GOLGA3: variants seen among roughly 807,000 people sequenced by gnomAD.
GOLGA3 encodes the protein golgin A3, also known as golgin subfamily A member 3.
GOLGA3 carries 75 observed loss-of-function variants against 169.4 expected under a neutral mutation model. That is an observed-to-expected ratio of 0.44 (90% confidence interval 0.37 to 0.54). The LOEUF (loss-of-function observed/expected upper bound fraction) is 0.54. Among genes scored for constraint, GOLGA3 ranks in the 20% least tolerant of loss-of-function variants. The pLI is 0.00. For synonymous variants in GOLGA3, 824 were observed against 822.4 expected (o/e 1.00, Z -0.03); for missense variants, 1,899 against 1,930.0 (o/e 0.98, Z 0.30).
rs368871755 is a variant in GOLGA3 at position 132,786,444 on chromosome 12, G to A, written c.3018C>T (p.Leu1006=). 4.0e-5 allele frequency: 65 copies of A among 1,613,582 alleles called. No homozygotes were observed. The highest frequency in any genetic ancestry group is 5.4e-5 in the Non-Finnish European group (64 of 1,179,838). ...CGAGGGCCTCCTGCAGGCGGCGGCT[G>A]AGGATGCCCACGGCGTTCTCGTAGG... ...HKAYENAVGI[L]SRRLQEALAA... Residue 1006 remains leucine, a synonymous_variant, in exon 15 of 24, where the codon CTC becomes CTT. Coordinates refer to ENST00000450791, the MANE Select transcript of GOLGA3 (RefSeq NM_001389683.1).
intron 13 of GOLGA3, among the ~76,000 whole-genome samples, chr12:132,788,222 C>T (rs1003690980): frequency 6.6e-6 from 1 of 152,230 alleles, no homozygotes; most frequent in African/African-American, 2.4e-5. Flanking sequence ...TCACAGGCCT[C>T]AGCCTGGCTC....
rs369321813 is a variant in GOLGA3, at chr12:132,775,132, C to A, written c.4143+9G>T. 6.2e-6 allele frequency: 10 copies of A among 1,611,342 alleles called. No individual in the cohort carries two copies. Among genetic ancestry groups the A allele is most frequent in the Admixed American group, 5.0e-5 (3 of 59,816 alleles). On this transcript the variant is annotated intron_variant, in intron 22 of 23. Transcript: ENST00000450791. ...TCGGCTACCCCGGGAGGGACGCGGG[C>A]CTGAGTACCGTCTTGGCCGCGCCGC...
intron 18 of GOLGA3, among the ~76,000 whole-genome samples, chr12:132,778,396 C>T (rs1331173762): frequency 6.6e-6 from 1 of 152,062 alleles, no homozygotes; most frequent in Admixed American, 6.6e-5. Context: ...ACGGGGAAAC[C>T]CCGTCTCTAC....
rs2044890835 is a variant in GOLGA3 at position 132,771,390 on chromosome 12, TC to T, written c.*1714del. The T allele has an allele frequency of 6.6e-6, 1 of 152,202 alleles. No homozygotes were observed. Among genetic ancestry groups the T allele is most frequent in the East Asian group, 1.9e-4 (1 of 5,198 alleles). The allele number at this position is 152,202 out of a possible 1,614,324, so 9.4% of individuals were successfully genotyped here. A position where few individuals can be genotyped will look rare whatever the true frequency, so the allele number is the denominator to read the frequency against. On this transcript the variant is annotated 3_prime_UTR_variant, in exon 24 of 24. Coordinates refer to ENST00000450791, the MANE Select transcript of GOLGA3 (RefSeq NM_001389683.1). Reference sequence around the variant, plus strand: ...GGAGGCCACGCGGACCCATTCTCTCTCTCCTAACTCATATAATAAATATTAT... The same window carrying T: ...GGAGGCCACGCGGACCCATTCTCTCTTCCTAACTCATATAATAAATATTAT...
In GOLGA3 at chr12:132,775,298, T is replaced by C. The variant is rs1349631035; in HGVS notation, c.3986A>G (p.Lys1329Arg). Reference sequence around the variant, plus strand: ...TTCCTGGGCCATCTCCAACTCAGACTTGACGTTCTGTGGAAAATGAAGTCA... The same window carrying C: ...TTCCTGGGCCATCTCCAACTCAGACCTGACGTTCTGTGGAAAATGAAGTCA... ...EGLQQLLQNV[K>R]SELEMAQEDL... Residue 1329 changes from lysine (K) to arginine (R), a missense_variant, in exon 22 of 24, where the codon AAG (lysine) becomes AGG (arginine). Coordinates refer to ENST00000450791, the MANE Select transcript of GOLGA3 (RefSeq NM_001389683.1). 6.2e-7 allele frequency: 1 copy of C among 1,601,830 alleles called. No individual in the cohort carries two copies. The highest frequency in any genetic ancestry group is 8.5e-7 in the Non-Finnish European group (1 of 1,175,144).
chr12:132,813,914 C>CG (rs1566135036), intron 3 of GOLGA3, among the ~76,000 whole-genome samples: 1 of 151,544 alleles, frequency 6.6e-6, no homozygotes, highest in African/African-American at 2.4e-5. Flanking sequence ...TTAGTAGAGA[C>CG]GGGGTTTCAC....
chr12:132,825,718 T>C, intron 1 of GOLGA3: 3 of 1,510,602 alleles, frequency 2.0e-6, no homozygotes, highest in Non-Finnish European at 2.8e-6. Flanking sequence ...ACATTCAGAC[T>C]GAGCGTGCCT....
intron 18 of GOLGA3, among the ~76,000 whole-genome samples, chr12:132,778,291 T>A (rs2136276421): frequency 6.9e-6 from 1 of 145,128 alleles, no homozygotes; most frequent in East Asian, 2.1e-4. Flanking sequence ...ATGAAATAAA[T>A]AGGCCAGGCG....
At chr12:132,795,630 G>A (rs1052432935) in intron 11 of GOLGA3, among the ~76,000 whole-genome samples, 2 of 152,048 alleles carry the variant, frequency 1.3e-5, no homozygotes, top group African/African-American at 4.8e-5. Context: ...GCATGGTGGC[G>A]CACACCTGTA....
chr12:132,796,670 T>A lies in GOLGA3; in HGVS notation c.1969A>T (p.Met657Leu). 1 of 1,614,108 alleles carries A rather than the reference T, an allele frequency of 6.2e-7. No individual in the cohort carries two copies. Among genetic ancestry groups the A allele is most frequent in the Non-Finnish European group, 8.5e-7 (1 of 1,180,010 alleles). Residue 657 changes from methionine to leucine, a missense_variant, in exon 10 of 24, where the codon ATG becomes TTG. Met to Leu is a conservative substitution (Grantham distance 15). Transcript: ENST00000450791. ...ATCGTCTTTGCCTCCTGAATCTGCA[T>A]GAAGGCTGCTTCCTGATCCAACATG... is the stretch of plus-strand genomic sequence containing the variant. ...ADMLDQEAAF[M>L]QIQEAKTMVE...
rs1566111547 is a variant in GOLGA3 at position 132,801,786 on chromosome 12, C to G, written c.1781G>C (p.Gly594Ala). 1 of 1,612,154 alleles carries G rather than the reference C, an allele frequency of 6.2e-7. No homozygotes were observed. The highest frequency in any genetic ancestry group is 8.5e-7 in the Non-Finnish European group (1 of 1,180,008). Residue 594 changes from glycine to alanine, a missense_variant, in exon 8 of 24, where the codon GGT becomes GCT. Gly to Ala is a moderately conservative substitution (Grantham distance 60). Coordinates refer to ENST00000450791, the MANE Select transcript of GOLGA3 (RefSeq NM_001389683.1). Reference sequence around the variant, plus strand: ...CCGTACCTGGATGTGGGCCATCTCACCCTGCAGCCTGACGCGGGCCTCCTG... The same window carrying G: ...CCGTACCTGGATGTGGGCCATCTCAGCCTGCAGCCTGACGCGGGCCTCCTG... ...LAQEARVRLQ[G>A]EMAHIQVGQM...
intron 22 of GOLGA3, 55 bp from the exon 23 acceptor site, chr12:132,774,375 C>G (rs2045101330): frequency 6.3e-7 from 1 of 1,590,438 alleles, no homozygotes; most frequent in Non-Finnish European, 8.5e-7. Flanking sequence ...TCGGGTCAGT[C>G]TCACTAGCAC....
chr12:132,786,574 G>C lies in GOLGA3; in HGVS notation c.2907-19C>G, dbSNP rs1322977043. 1.2e-6 allele frequency: 2 copies of C among 1,610,246 alleles called. No individual in the cohort carries two copies. Among genetic ancestry groups the C allele is most frequent in the Non-Finnish European group, 1.7e-6 (2 of 1,177,226 alleles). ...GATGGCCCTGGGGTGTCATGAGGGA[G>C]ACACAGGAGGAAGCTGAATTATCCC... On this transcript the variant is annotated intron_variant, in intron 14 of 23. Coordinates refer to ENST00000450791, the MANE Select transcript of GOLGA3 (RefSeq NM_001389683.1).
intron 8 of GOLGA3, among the ~76,000 whole-genome samples, chr12:132,799,074 G>T (rs73157053): frequency 0.034 from 5,121 of 152,306 alleles, 270 homozygotes; most frequent in African/African-American, 0.12. Flanking sequence ...GGGGCCTGAG[G>T]CTAGACCTGC....
chr12:132,798,168 G>T, intron 9 of GOLGA3, among the ~76,000 whole-genome samples, 172 bp downstream of exon 9: 1 of 121,688 alleles, frequency 8.2e-6, no homozygotes. Flanking sequence ...CCACAGGTGA[G>T]GGATGAGGGG....
At chr12:132,802,768 A>G (rs555389555) in intron 7 of GOLGA3, among the ~76,000 whole-genome samples, 1 of 152,302 alleles carries the variant, frequency 6.6e-6, no homozygotes, top group South Asian at 2.1e-4. Context: ...AACACTAGAC[A>G]GTGTTGGCCG....
chr12:132,820,262 C>A (rs1363327102), intron 2 of GOLGA3, among the ~76,000 whole-genome samples: 1 of 152,162 alleles, frequency 6.6e-6, no homozygotes, highest in East Asian at 1.9e-4. Flanking sequence ...TCACTTAAGC[C>A]CAGGAGTTCA....
At chr12:132,819,326 G>A (rs539029135) in intron 2 of GOLGA3, among the ~76,000 whole-genome samples, 64 of 151,722 alleles carry the variant, frequency 4.2e-4, no homozygotes, top group African/African-American at 1.4e-3. Context: ...TCAGGAGATC[G>A]AGACTATCCT....
chr12:132,823,953 C>A (rs962624836), intron 1 of GOLGA3, among the ~76,000 whole-genome samples: 2 of 151,164 alleles, frequency 1.3e-5, no homozygotes, highest in African/African-American at 4.9e-5. Context: ...CATGGCAGCG[C>A]GTGCCTGTAA....
Sources: allele counts gnomAD v4.1 joint callset (sites outside exome capture counted in the v4.1 genomes callset), GRCh38; gene constraint gnomAD v4.1.1; transcripts MANE v1.5; gene names NCBI Gene and HGNC (gene_info 2026-07-23, HGNC 2026-07-21).